Variants in NSMAF observed in about 807,000 individuals in gnomAD.
NSMAF encodes the protein neutral sphingomyelinase activation associated factor, also known as protein FAN.
A neutral mutation model predicts 134.9 loss-of-function variants in NSMAF; 90 were observed. The ratio of observed to expected loss-of-function variants is 0.67; its 90% CI spans 0.56 to 0.79. The LOEUF is 0.79. Among genes scored for constraint, NSMAF ranks in the 30% least tolerant of loss-of-function variants. The pLI is 0.00. For missense variants in NSMAF, 1,010 were observed against 1,119.0 expected (o/e 0.90, Z 1.39); for synonymous variants, 358 against 389.6 (o/e 0.92, Z 0.96).
chr8:58,641,730 C>T (rs944256145), intron 2 of NSMAF, among the ~76,000 whole-genome samples: 1 of 152,168 alleles, frequency 6.6e-6, no homozygotes, highest in African/African-American at 2.4e-5. Context: ...ATTTATATAA[C>T]TGCCAGTTCT....
Position 58,595,627 on chromosome 8 carries a change from T to C in NSMAF, c.1825A>G (p.Ser609Gly), listed in dbSNP as rs760120357. 1 of 1,614,120 alleles carries C rather than the reference T, an allele frequency of 6.2e-7. No individual in the cohort carries two copies. The highest frequency in any genetic ancestry group is 8.5e-7 in the Non-Finnish European group (1 of 1,179,968). ...ATGTTATTCCAGGCCAGTGTTTTGC[T>C]TTCTTCGGTCAGGTCTTCAAAAGAC... ...EESFEDLTEE[S>G]KTLAWNNITK... Residue 609 changes from serine to glycine, a missense_variant, in exon 22 of 31, where the codon AGC becomes GGC. Coordinates refer to ENST00000038176, the MANE Select transcript of NSMAF (RefSeq NM_003580.4).
Position 58,607,791 on chromosome 8 carries a change from C to G in NSMAF, c.737G>C (p.Arg246Thr), listed in dbSNP as rs768353771. 6.2e-7 allele frequency: 1 copy of G among 1,614,194 alleles called. No individual in the cohort carries two copies. Among genetic ancestry groups the G allele is most frequent in the South Asian group, 1.1e-5 (1 of 91,086 alleles). Reference sequence around the variant, plus strand: ...CACCAGAGGCATGAGGCCGTGCCTCCTTTTGTAGATGCGGCGGACATCTTG... The same window carrying G: ...CACCAGAGGCATGAGGCCGTGCCTCGTTTTGTAGATGCGGCGGACATCTTG... ...TLQDVRRIYK[R>T]RHGLMPLGLE... The change falls in exon 11 of 31, where the codon AGG (arginine) becomes ACG (threonine). Residue 246 changes from arginine to threonine, a missense_variant. By Grantham distance (71) the Arg-to-Thr change is moderately conservative. Transcript: ENST00000038176.
chr8:58,603,297 T>A lies in NSMAF; in HGVS notation c.958A>T (p.Asn320Tyr). 1 of 1,614,086 alleles carries A rather than the reference T, an allele frequency of 6.2e-7. No individual in the cohort carries two copies. The highest frequency in any genetic ancestry group is 8.5e-7 in the Non-Finnish European group (1 of 1,179,992). Residue 320 changes from asparagine (N) to tyrosine (Y), a missense_variant, in exon 13 of 31, where the codon AAC (asparagine) becomes TAC (tyrosine). Coordinates refer to ENST00000038176, the MANE Select transcript of NSMAF (RefSeq NM_003580.4). ...LSNYQYLLHL[N>Y]NLADRSCNDL... ...TTGCAGCTGCGGTCGGCCAGGTTGT[T>A]GAGGTGAAGGAGGTACTGATAGTTG...
intron 13 of NSMAF, among the ~76,000 whole-genome samples, chr8:58,602,430 C>A (rs543286328): frequency 6.6e-6 from 1 of 150,830 alleles, no homozygotes; most frequent in African/African-American, 2.5e-5. Context: ...CCAAGTAAAA[C>A]AACAACAACA....
intron 9 of NSMAF, among the ~76,000 whole-genome samples, chr8:58,622,653 G>A (rs922208561): frequency 2.6e-5 from 4 of 151,838 alleles, no homozygotes; most frequent in African/African-American, 9.7e-5. Flanking sequence ...TCAGCCTCCC[G>A]AAGTGCTGGG....
chr8:58,659,418 C>T, intron 1 of NSMAF, 155 bp downstream of exon 1: 1 of 1,509,390 alleles, frequency 6.6e-7, no homozygotes, highest in Non-Finnish European at 8.8e-7. Context: ...CAGGTTTCCG[C>T]CACAGCCCCC....
intron 6 of NSMAF, among the ~76,000 whole-genome samples, chr8:58,626,048 C>A (rs938016598): frequency 2.7e-5 from 4 of 148,844 alleles, no homozygotes; most frequent in African/African-American, 9.9e-5. Flanking sequence ...GTCATCACCA[C>A]CCCCATCCTT....
chr8:58,639,112 G>A (rs186448355), intron 2 of NSMAF, among the ~76,000 whole-genome samples: 4 of 152,034 alleles, frequency 2.6e-5, no homozygotes, highest in Admixed American at 2.0e-4. Context: ...GTGAAACCCC[G>A]TCTCTAATAA....
intron 9 of NSMAF, among the ~76,000 whole-genome samples, chr8:58,611,539 G>A (rs1288574084): frequency 6.6e-6 from 1 of 152,038 alleles, no homozygotes; most frequent in African/African-American, 2.4e-5. Context: ...ACAAAAGATG[G>A]ACAACACATG....
At position 58,583,533 on chromosome 8, in the gene NSMAF, G is replaced by C. The variant is rs950548167; in HGVS notation, c.*573C>G. On this transcript the variant is annotated 3_prime_UTR_variant, in exon 31 of 31. Coordinates refer to ENST00000038176, the MANE Select transcript of NSMAF (RefSeq NM_003580.4). The stretch of plus-strand genomic sequence containing the variant: ...TTTAGAGAAAAATATTTTTAATGTA[G>C]AAAAGATGAATAGCTGTAATGAAAT... 5 of 152,142 alleles carry C rather than the reference G, an allele frequency of 3.3e-5. No homozygotes were observed. The highest frequency in any genetic ancestry group is 1.2e-4 in the African/African-American group (5 of 41,412). 9.4% of individuals were successfully genotyped at this position (152,142 alleles called of 1,614,324 possible). A position where few individuals can be genotyped will look rare whatever the true frequency, so the allele number is the denominator to read the frequency against.
At chr8:58,648,865 C>T (rs1391746415) in intron 1 of NSMAF, among the ~76,000 whole-genome samples, 1 of 152,236 alleles carries the variant, frequency 6.6e-6, no homozygotes, top group African/African-American at 2.4e-5. Flanking sequence ...CAGAAGCCTG[C>T]TACAAGGATG....
intron 2 of NSMAF, among the ~76,000 whole-genome samples, chr8:58,636,324 C>G (rs953235262): frequency 1.3e-5 from 2 of 152,190 alleles, no homozygotes; most frequent in African/African-American, 4.8e-5. Context: ...GCAAAAATCT[C>G]TGAAGACAGC....
At chr8:58,643,758 C>T (rs1807385299) in intron 1 of NSMAF, among the ~76,000 whole-genome samples, 1 of 152,058 alleles carries the variant, frequency 6.6e-6, no homozygotes, top group African/African-American at 2.4e-5. Flanking sequence ...CTCGAACTCC[C>T]AACCTCACGT....
intron 16 of NSMAF, among the ~76,000 whole-genome samples, chr8:58,600,552 C>A (rs937556143): frequency 7.6e-6 from 1 of 131,532 alleles, no homozygotes; most frequent in Non-Finnish European, 1.5e-5. Context: ...GAACCCGAGG[C>A]GGAGGTTGCA....
chr8:58,658,194 T>C (rs759943469), intron 1 of NSMAF, among the ~76,000 whole-genome samples: 23 of 152,164 alleles, frequency 1.5e-4, no homozygotes, highest in Non-Finnish European at 2.9e-4. Flanking sequence ...ATATTGTTGG[T>C]ACTAAACAAA....
At chr8:58,611,128 A>G (rs916990167) in intron 9 of NSMAF, among the ~76,000 whole-genome samples, 1 of 152,228 alleles carries the variant, frequency 6.6e-6, no homozygotes, top group Non-Finnish European at 1.5e-5. Flanking sequence ...ATTATAATGC[A>G]TAACAAAGAA....
intron 9 of NSMAF, among the ~76,000 whole-genome samples, chr8:58,616,855 G>A (rs1585743845): frequency 6.6e-6 from 1 of 152,146 alleles, no homozygotes; most frequent in East Asian, 1.9e-4. Flanking sequence ...AACACTCTAA[G>A]ACTAATGAGT....
Position 58,594,237 on chromosome 8 carries a change from G to A in NSMAF, c.1946C>T (p.Ser649Phe). ...TTTCGGGGAGGAACACTGACCTTGG[G>A]ATGTTGTGAATACTGAAGATCCATT... ...SRNGSSVFTT[S>F]QDSTLKMFSK... Residue 649 changes from serine to phenylalanine, a missense_variant, in exon 23 of 31, where the codon TCC becomes TTC. Coordinates refer to ENST00000038176, the MANE Select transcript of NSMAF (RefSeq NM_003580.4). 1 of 1,614,028 alleles carries A rather than the reference G, an allele frequency of 6.2e-7. No individual in the cohort carries two copies. Among genetic ancestry groups the A allele is most frequent in the Non-Finnish European group, 8.5e-7 (1 of 1,179,898 alleles).
chr8:58,595,487 G>T, intron 22 of NSMAF, 73 bp downstream of exon 22: 1 of 1,062,010 alleles, frequency 9.4e-7, no homozygotes, highest in South Asian at 1.3e-5. Context: ...GCTTAAAACA[G>T]TTTAATCCCA....
Sources: gnomAD v4.1 joint callset for allele counts (sites outside exome capture counted in the v4.1 genomes callset) on GRCh38, gnomAD v4.1.1 for gene constraint, MANE v1.5 for transcripts, NCBI Gene and HGNC (gene_info 2026-07-23, HGNC 2026-07-21) for gene names.